Variants in UFL1 observed in about 807,000 individuals in gnomAD.
UFL1 encodes UFM1 specific ligase 1.
In UFL1, 78 loss-of-function variants were observed where a neutral mutation model predicts 99.3. The ratio of observed to expected loss-of-function variants is 0.79; its 90% CI spans 0.65 to 0.95. The LOEUF (loss-of-function observed/expected upper bound fraction) is 0.95. Among genes scored for constraint, UFL1 ranks in the 40% least tolerant of loss-of-function variants. UFL1 has a pLI of 0.00. For missense variants in UFL1, 936 were observed against 937.0 expected (o/e 1.00, Z 0.01); for synonymous variants, 335 against 322.2 (o/e 1.04, Z -0.42).
chr6:96,540,013 C>T (rs923938955), intron 10 of UFL1, among the ~76,000 whole-genome samples: 4 of 151,326 alleles, frequency 2.6e-5, no homozygotes, highest in African/African-American at 9.7e-5. Flanking sequence ...AATACTTCAT[C>T]GTTGTTATCA....
chr6:96,527,097 G>A (rs1435450262), intron 5 of UFL1, among the ~76,000 whole-genome samples: 1 of 152,114 alleles, frequency 6.6e-6, no homozygotes, highest in Non-Finnish European at 1.5e-5. Context: ...AATGCTGCCT[G>A]AAAACATAGG....
chr6:96,534,393 T>C lies in UFL1; in HGVS notation c.655+72T>C. On this transcript the variant is annotated intron_variant, in intron 7 of 18. Transcript: ENST00000369278. The stretch of plus-strand genomic sequence containing the variant: ...CTATTAATGTAAAACTTACTAACTT[T>C]AATGTTTTTTCCTCTTTTATTGTTA... The C allele has an allele frequency of 3.4e-6, 4 of 1,189,972 alleles. 1 individual carries two copies. The Middle Eastern group carries it at 9.9e-4, about 293-fold the overall frequency. 73.7% of individuals were successfully genotyped at this position (1,189,972 alleles called of 1,614,324 possible). A position where few individuals can be genotyped will look rare whatever the true frequency, so the allele number is the denominator to read the frequency against.
chr6:96,528,410 C>T, intron 5 of UFL1, 92 bp from the exon 6 acceptor site: 1 of 1,422,308 alleles, frequency 7.0e-7, no homozygotes, highest in Non-Finnish European at 9.5e-7. Context: ...ACTGATACCT[C>T]AGCATGCAGC....
At chr6:96,536,537 A>G (rs1010674455) in intron 8 of UFL1, 147 bp downstream of exon 8, 4 of 482,818 alleles carry the variant, frequency 8.3e-6, no homozygotes, top group African/African-American at 8.1e-5. Flanking sequence ...TGGGAACCCT[A>G]GAGTTTACAT....
chr6:96,535,491 TG>T (rs1414938196), intron 7 of UFL1, among the ~76,000 whole-genome samples: 114 of 152,170 alleles, frequency 7.5e-4, no homozygotes, highest in African/African-American at 2.7e-3. Flanking sequence ...TATTTATTAT[TG>T]AGTCTTTATT....
At chr6:96,531,306 T>C (rs185075162) in intron 6 of UFL1, among the ~76,000 whole-genome samples, 1 of 152,352 alleles carries the variant, frequency 6.6e-6, no homozygotes, top group African/African-American at 2.4e-5. Context: ...TATTGAAAAC[T>C]GTGAGTTTGT....
chr6:96,551,366 C>A, intron 15 of UFL1, 67 bp from the exon 16 acceptor site: 1 of 834,112 alleles, frequency 1.2e-6, no homozygotes, highest in Non-Finnish European at 1.9e-6. Context: ...GTATTTTTTT[C>A]ACTTTATCTT....
rs1770109894 is a variant in UFL1, at chr6:96,553,415, G to A, written c.2297G>A (p.Ser766Asn). The A allele has an allele frequency of 6.2e-7, 1 of 1,613,688 alleles. No individual in the cohort carries two copies. The highest frequency in any genetic ancestry group is 1.3e-5 in the African/African-American group (1 of 74,940). ...GACAAAGAACAAGAAGATGTTGCCAGTACTACTCGTAAAGAGCTTCAAGAA... is the reference window on the plus strand; with the variant it reads ...GACAAAGAACAAGAAGATGTTGCCAATACTACTCGTAAAGAGCTTCAAGAA... The part of the protein sequence containing the change: ...ELDKEQEDVA[S>N]TTRKELQELS... The change falls in exon 19 of 19, where the codon AGT becomes AAT. Residue 766 changes from serine to asparagine, a missense_variant. Ser to Asn is a conservative substitution (Grantham distance 46). Coordinates refer to ENST00000369278, the MANE Select transcript of UFL1 (RefSeq NM_015323.5).
rs755554490 is a variant in UFL1, at chr6:96,538,804, T to G, written c.1152T>G (p.Ala384=). Residue 384 remains alanine (A), a synonymous_variant, in exon 10 of 19, where the codon GCT becomes GCG. Coordinates refer to ENST00000369278, the MANE Select transcript of UFL1 (RefSeq NM_015323.5). ...ELFRELMHQK[A]EKEMKNNPVH... ...TCCGTGAGCTGATGCACCAGAAAGCTGAAAAGGTATTCCAGATTTCCTTTT... is the reference window on the plus strand; with the variant it reads ...TCCGTGAGCTGATGCACCAGAAAGCGGAAAAGGTATTCCAGATTTCCTTTT... 5.6e-6 allele frequency: 9 copies of G among 1,596,480 alleles called. No homozygotes were observed. The South Asian group carries it at 1.0e-4, about 18-fold the overall frequency.
At position 96,549,436 on chromosome 6, in the gene UFL1, G is replaced by C. The variant is rs1230662371; in HGVS notation, c.1545G>C (p.Glu515Asp). Residue 515 changes from glutamate (E) to aspartate (D), a missense_variant, in exon 14 of 19, where the codon GAG becomes GAC. Physicochemically the swap from Glu to Asp is conservative, Grantham distance 45. Coordinates refer to ENST00000369278, the MANE Select transcript of UFL1 (RefSeq NM_015323.5). Reference sequence around the variant, plus strand: ...GACCTCTTAATAAAACTTATCTCGAGGTGGTACGTTCAGTATTCATGTCTT... The same window carrying C: ...GACCTCTTAATAAAACTTATCTCGACGTGGTACGTTCAGTATTCATGTCTT... ...LIKPLNKTYL[E>D]VVRSVFMSST... 6.3e-7 allele frequency: 1 copy of C among 1,596,688 alleles called. No homozygotes were observed. Among genetic ancestry groups the C allele is most frequent in the South Asian group, 1.2e-5 (1 of 86,838 alleles).
At chr6:96,550,557 G>C (rs1770063578) in intron 15 of UFL1, among the ~76,000 whole-genome samples, 1 of 151,966 alleles carries the variant, frequency 6.6e-6, no homozygotes, top group South Asian at 2.1e-4. Flanking sequence ...GGCGATATAA[G>C]TTGTTTCCCT....
intron 1 of UFL1, among the ~76,000 whole-genome samples, chr6:96,522,361 A>G (rs1769628194): frequency 6.6e-6 from 1 of 152,124 alleles, no homozygotes; most frequent in Admixed American, 6.5e-5. Context: ...CCAGTACAGT[A>G]CTTGGCAAAT....
intron 5 of UFL1, 75 bp from the exon 6 acceptor site, chr6:96,528,427 T>G: frequency 1.1e-5 from 17 of 1,513,048 alleles, no homozygotes; most frequent in Non-Finnish European, 1.4e-5. Context: ...CAGCATGACT[T>G]GAGTATGACT....
intron 13 of UFL1, 83 bp downstream of exon 13, chr6:96,548,364 G>A: frequency 1.1e-6 from 1 of 870,000 alleles, no homozygotes; most frequent in Non-Finnish European, 1.7e-6. Flanking sequence ...ATCATAGAAA[G>A]CAAATGTATT....
intron 15 of UFL1, among the ~76,000 whole-genome samples, chr6:96,550,509 T>G (rs992589378): frequency 4.6e-5 from 7 of 152,110 alleles, no homozygotes; most frequent in Admixed American, 3.9e-4. Flanking sequence ...AGTCTGATGT[T>G]TGTGGTCTTT....
In UFL1 at chr6:96,523,127, C is replaced by A. The variant is rs373893417; in HGVS notation, c.78-19C>A. The A allele has an allele frequency of 1.3e-4, 212 of 1,580,988 alleles. 1 individual carries two copies. In the African/African-American group the frequency reaches 2.6e-3, roughly 19 times the overall value. On this transcript the variant is annotated intron_variant, in intron 1 of 18. Coordinates refer to ENST00000369278, the MANE Select transcript of UFL1 (RefSeq NM_015323.5). ...TGTCTCAAGTGGACTTTTGAAACAA[C>A]TTTTTTTCTTTCCCTCAGGTTGTCC...
intron 12 of UFL1, 106 bp from the exon 13 acceptor site, chr6:96,548,058 T>C: frequency 2.9e-6 from 2 of 697,526 alleles, no homozygotes; most frequent in Non-Finnish European, 4.7e-6. Context: ...AATTGAGTAA[T>C]GAATGAATTA....
In UFL1 at chr6:96,525,309, G is replaced by T. The variant is rs1452382527; in HGVS notation, c.265G>T (p.Asp89Tyr). The T allele has an allele frequency of 5.0e-6, 8 of 1,603,802 alleles. No homozygotes were observed. Among genetic ancestry groups the T allele is most frequent in the Non-Finnish European group, 6.0e-6 (7 of 1,174,872 alleles). ...IVDLQQVINV[D>Y]LIHIENRIGD... ...ATTTGTTTTCCAGGTAATTAATGTGGACCTGATTCATATTGAAAATAGAAT... is the reference window on the plus strand; with the variant it reads ...ATTTGTTTTCCAGGTAATTAATGTGTACCTGATTCATATTGAAAATAGAAT... Residue 89 changes from aspartate to tyrosine, a missense_variant, in exon 4 of 19, where the codon GAC becomes TAC. By Grantham distance (160) the Asp-to-Tyr change is radical. Transcript: ENST00000369278.
Position 96,528,705 on chromosome 6 carries a change from A to C in UFL1, c.596+73A>C, listed in dbSNP as rs572985674. 3.5e-5 allele frequency: 52 copies of C among 1,468,704 alleles called. No individual in the cohort carries two copies. In the African/African-American group the frequency reaches 7.2e-4, roughly 20 times the overall value. The allele number at this position is 1,468,704 out of a possible 1,614,324, so 91.0% of individuals were successfully genotyped here. A position where few individuals can be genotyped will look rare whatever the true frequency, so the allele number is the denominator to read the frequency against. On this transcript the variant is annotated intron_variant, in intron 6 of 18. Transcript: ENST00000369278. Reference sequence around the variant, plus strand: ...GTTTGCATTTTTTTCCTAGCAGCGGAATCTTTTTCTTTGTTTTAATAAAGT... The same window carrying C: ...GTTTGCATTTTTTTCCTAGCAGCGGCATCTTTTTCTTTGTTTTAATAAAGT...
Sources: gnomAD v4.1 joint callset for allele counts (sites outside exome capture counted in the v4.1 genomes callset) on GRCh38, gnomAD v4.1.1 for gene constraint, MANE v1.5 for transcripts, NCBI Gene and HGNC (gene_info 2026-07-23, HGNC 2026-07-21) for gene names.